VPS13A: variants seen among roughly 807,000 people sequenced by gnomAD.
VPS13A encodes the protein vacuolar protein sorting 13 homolog A.
VPS13A carries 264 observed loss-of-function variants against 390.9 expected under a neutral mutation model. That is an observed-to-expected ratio of 0.68 (90% CI 0.61 to 0.75). The LOEUF (loss-of-function observed/expected upper bound fraction) is 0.75, where lower values mean the gene tolerates loss of function less well. Ranked by LOEUF, VPS13A falls within the 30% of genes least tolerant of loss-of-function variation. The pLI, the probability that VPS13A is intolerant of heterozygous loss-of-function variation, is 0.00. For synonymous variants in VPS13A, 1,231 were observed against 1,227.1 expected, an observed-to-expected ratio of 1.00 and a Z score of -0.07; for missense variants, 3,409 against 3,733.9, an observed-to-expected ratio of 0.91 and a Z score of 2.27.
chr9:77,416,005 G>A lies in VPS13A; in HGVS notation c.9524G>A (p.Ter3175=). ...GCAAGAGAACCTTCTCCGAGCCTCT[G>A]ACAGAGAACACTGCCTGAAGACACA... The part of the protein sequence containing the change: ...QEAREPSPSL[*] The change falls in exon 72 of 72, where the codon TGA becomes TAA. Residue 3175 remains the stop codon, a stop_retained_variant. Coordinates refer to ENST00000360280, the MANE Select transcript of VPS13A (RefSeq NM_033305.3). The A allele has an allele frequency of 6.2e-7, 1 of 1,613,404 alleles. No homozygotes were observed. Among genetic ancestry groups the A allele is most frequent in the Non-Finnish European group, 8.5e-7 (1 of 1,179,492 alleles).
At chr9:77,252,828 A>G (rs1199217887) in intron 22 of VPS13A, among the ~76,000 whole-genome samples, 1 of 152,188 alleles carries the variant, frequency 6.6e-6, no homozygotes, top group Non-Finnish European at 1.5e-5. Flanking sequence ...AATTTCATGT[A>G]TTTTTAAGGC....
chr9:77,246,064 C>T (rs1824789253), intron 19 of VPS13A, among the ~76,000 whole-genome samples: 1 of 152,184 alleles, frequency 6.6e-6, no homozygotes, highest in Non-Finnish European at 1.5e-5. Context: ...TTTGTGAGGA[C>T]TCTGCCCCCA....
intron 34 of VPS13A, 69 bp from the exon 35 acceptor site, chr9:77,307,875 AT>A: frequency 1.5e-6 from 2 of 1,292,672 alleles, no homozygotes; most frequent in Non-Finnish European, 2.2e-6. Context: ...TCCTCTGAGA[AT>A]TTTAACTGCA....
intron 59 of VPS13A, among the ~76,000 whole-genome samples, chr9:77,362,904 T>G (rs927389324): frequency 2.0e-5 from 3 of 152,184 alleles, no homozygotes; most frequent in African/African-American, 7.2e-5. Flanking sequence ...TTAATTCCAT[T>G]TTTGGATTGT....
Position 77,316,184 on chromosome 9 carries a change from G to A in VPS13A, c.4641G>A (p.Gln1547=). 1 of 1,608,092 alleles carries A rather than the reference G, an allele frequency of 6.2e-7. No homozygotes were observed. The highest frequency in any genetic ancestry group is 1.3e-5 in the African/African-American group (1 of 74,800). The change falls in exon 39 of 72, where the codon CAG becomes CAA. Residue 1547 remains glutamine, a synonymous_variant. Transcript: ENST00000360280. ...TWTAKEEVPT[Q]ESVKWEINVI... is the part of the protein sequence containing the mutation. ...TTTTATTTGTTTTAGTACCTACACA[G>A]GAATCAGTGAAGTGGGAAATTAATG...
chr9:77,282,500 T>A (rs975867656), intron 29 of VPS13A, among the ~76,000 whole-genome samples: 9 of 152,162 alleles, frequency 5.9e-5, no homozygotes, highest in African/African-American at 2.2e-4. Flanking sequence ...TAATTGTTTT[T>A]AGTTTAAGAT....
rs1050349870 is a variant in VPS13A at position 77,339,319 on chromosome 9, C to G, written c.6379-197C>G. Reference sequence around the variant, plus strand: ...TTAGACCATTTTACAAATACAGTAGCTCAAATCTCAGATTAAATACCGTGT... The same window carrying G: ...TTAGACCATTTTACAAATACAGTAGGTCAAATCTCAGATTAAATACCGTGT... On this transcript the variant is annotated intron_variant, in intron 47 of 71. Transcript: ENST00000360280. 1.0e-5 allele frequency: 6 copies of G among 586,038 alleles called. No individual in the cohort carries two copies. In the Admixed American group the frequency reaches 1.3e-4, roughly 13 times the overall value. 36.3% of individuals were successfully genotyped at this position (586,038 alleles called of 1,614,324 possible). A position where few individuals can be genotyped will look rare whatever the true frequency, so the allele number is the denominator to read the frequency against.
chr9:77,211,947 G>A (rs942237903), intron 7 of VPS13A, among the ~76,000 whole-genome samples: 5 of 152,120 alleles, frequency 3.3e-5, no homozygotes, highest in African/African-American at 7.2e-5. Flanking sequence ...GGATCCTAGC[G>A]AACCTTATTG....
At chr9:77,370,365 T>A (rs780289137) in intron 64 of VPS13A, 33 bp downstream of exon 64, 2 of 1,614,178 alleles carry the variant, frequency 1.2e-6, no homozygotes, top group South Asian at 2.2e-5. Context: ...AGTATTTTTG[T>A]GCTAGAAAGT....
intron 67 of VPS13A, among the ~76,000 whole-genome samples, chr9:77,371,956 C>T (rs1832793221): frequency 2.7e-5 from 4 of 146,464 alleles, no homozygotes. Context: ...CCAATTTCAT[C>T]CATGTCCCTA....
chr9:77,222,277 A>T (rs919130265), intron 13 of VPS13A, among the ~76,000 whole-genome samples: 1 of 152,144 alleles, frequency 6.6e-6, no homozygotes, highest in East Asian at 1.9e-4. Context: ...GAGTCCTCCA[A>T]GTCTGGATAG....
intron 41 of VPS13A, among the ~76,000 whole-genome samples, 198 bp from the exon 42 acceptor site, chr9:77,319,374 G>A (rs1411412119): frequency 6.6e-6 from 1 of 151,928 alleles, no homozygotes; most frequent in Non-Finnish European, 1.5e-5. Flanking sequence ...TTAAAAAGGG[G>A]TTTTATCTGG....
At chr9:77,295,514 T>A (rs1212060380) in intron 32 of VPS13A, 28 bp from the exon 33 acceptor site, 1 of 1,558,806 alleles carries the variant, frequency 6.4e-7, no homozygotes, top group Non-Finnish European at 8.7e-7. Flanking sequence ...ATTAATAACC[T>A]TAAGAATATA....
chr9:77,276,220 G>A lies in VPS13A; in HGVS notation c.2823G>A (p.Leu941=), dbSNP rs780083693. ...TCTGCTTAAAATGCCCAGAATACTT[G>A]GGTAAGAATCTCTATTTTTTAAAAT... ...KEFCLKCPEY[L]DENKKPVYLV... Residue 941 remains leucine (L), a splice_region_variant and synonymous_variant, in exon 26 of 72, where the codon TTG becomes TTA. Transcript: ENST00000360280. The A allele has an allele frequency of 1.3e-6, 2 of 1,599,788 alleles. No homozygotes were observed. Among genetic ancestry groups the A allele is most frequent in the Admixed American group, 3.4e-5 (2 of 59,052 alleles).
intron 62 of VPS13A, 64 bp downstream of exon 62, chr9:77,368,200 A>C (rs998125045): frequency 7.7e-7 from 1 of 1,302,748 alleles, no homozygotes; most frequent in African/African-American, 1.5e-5. Context: ...TTTTGTGTCT[A>C]TACATATATA....
At position 77,416,580 on chromosome 9, in the gene VPS13A, A is replaced by G. The variant is rs1030696243; in HGVS notation, c.*574A>G. On this transcript the variant is annotated 3_prime_UTR_variant, in exon 72 of 72. Coordinates refer to ENST00000360280, the MANE Select transcript of VPS13A (RefSeq NM_033305.3). ...AGGATAGGTTTGAATTGTACTTAAAATGCATAGCATTATTAAAAACAATCT... is the reference window on the plus strand; with the variant it reads ...AGGATAGGTTTGAATTGTACTTAAAGTGCATAGCATTATTAAAAACAATCT... The G allele has an allele frequency of 1.2e-4, 19 of 152,506 alleles. No homozygotes were observed. Among genetic ancestry groups the G allele is most frequent in the Admixed American group, 1.2e-3 (19 of 15,308 alleles). The allele number at this position is 152,506 out of a possible 1,614,324, so 9.4% of individuals were successfully genotyped here.
chr9:77,274,016 A>C (rs10781429), intron 24 of VPS13A, among the ~76,000 whole-genome samples: 78,876 of 151,982 alleles, frequency 0.52, 20,703 homozygotes, highest in South Asian at 0.61. Flanking sequence ...TAAGAAATTT[A>C]AGGCAATAGC....
At chr9:77,330,699 T>C (rs1830235771) in intron 45 of VPS13A, among the ~76,000 whole-genome samples, 1 of 152,160 alleles carries the variant, frequency 6.6e-6, no homozygotes. Flanking sequence ...ATAGTGGACT[T>C]TGAAGTTTAT....
chr9:77,271,192 G>A (rs1826332420), intron 23 of VPS13A, among the ~76,000 whole-genome samples: 1 of 152,034 alleles, frequency 6.6e-6, no homozygotes, highest in Non-Finnish European at 1.5e-5. Flanking sequence ...TAAACAGGTA[G>A]CATGAAAAGA....
Sources: allele counts gnomAD v4.1 joint callset (sites outside exome capture counted in the v4.1 genomes callset), GRCh38; gene constraint gnomAD v4.1.1; transcripts MANE v1.5; gene names NCBI Gene and HGNC (gene_info 2026-07-23, HGNC 2026-07-21).